The following NTM variants were observed in gnomAD, a reference collection of about 807,000 sequenced individuals.
NTM encodes IgLON family member 2.
Under a neutral mutation model 42.1 loss-of-function variants are expected in NTM, and 13 were observed. That is an observed-to-expected ratio of 0.31 (90% CI 0.20 to 0.49). The LOEUF (loss-of-function observed/expected upper bound fraction) is 0.49, where lower values mean the gene tolerates loss of function less well. Ranked by LOEUF, NTM falls within the 20% of genes least tolerant of loss-of-function variation. The pLI is 0.99. For synonymous variants in NTM, 187 were observed against 179.2 expected, an observed-to-expected ratio of 1.04 and a Z score of -0.35; for missense variants, 373 against 452.8, an observed-to-expected ratio of 0.82 and a Z score of 1.60.
chr11:132,243,676 C>G (rs2090591170), intron 4 of NTM, among the ~76,000 whole-genome samples: 1 of 152,150 alleles, frequency 6.6e-6, no homozygotes. Flanking sequence ...TCCGATGTAC[C>G]CAAGCACCTT....
chr11:131,898,120 TA>T (rs1439560396), intron 1 of NTM, among the ~76,000 whole-genome samples: 1 of 152,232 alleles, frequency 6.6e-6, no homozygotes, highest in Non-Finnish European at 1.5e-5. Context: ...AGAGTGTGGT[TA>T]GCTATCTCTC....
rs78427288 is a variant in NTM at position 131,857,163 on chromosome 11, C to A, written c.83-54401C>A. On this transcript the variant is annotated intron_variant, in intron 1 of 8. Coordinates refer to ENST00000683400, the MANE Select transcript of NTM (RefSeq NM_001352005.2). ...GGACACAGGCCTTCCACAGAACAGA[C>A]ACAGGTCAACACTGACCCAGATAGT... 5.6e-3 allele frequency among the ~76,000 whole-genome samples: 853 copies of A among 152,292 alleles called. 7 individuals are homozygous for A. Among genetic ancestry groups the A allele is most frequent in the African/African-American group, 0.019 (780 of 41,552 alleles).
intron 1 of NTM, among the ~76,000 whole-genome samples, chr11:131,817,688 A>G (rs6590602): frequency 0.13 from 19,666 of 152,220 alleles, 1,961 homozygotes; most frequent in African/African-American, 0.28. Flanking sequence ...TTCCATGAGG[A>G]TGGTTCCCTC....
chr11:132,068,288 T>C (rs2056831827), intron 2 of NTM, among the ~76,000 whole-genome samples: 5 of 152,226 alleles, frequency 3.3e-5, no homozygotes, highest in Admixed American at 3.3e-4. Context: ...CACATTTTAC[T>C]ATAAGCAGAA....
chr11:131,530,159 C>G (rs1371009471), intron 1 of NTM, among the ~76,000 whole-genome samples: 1 of 152,168 alleles, frequency 6.6e-6, no homozygotes, highest in Non-Finnish European at 1.5e-5. Context: ...AAGGCAAGGA[C>G]AGTGTCCCCT....
At chr11:131,457,105 G>T (rs1164660765) in intron 1 of NTM, among the ~76,000 whole-genome samples, 1 of 152,192 alleles carries the variant, frequency 6.6e-6, no homozygotes, top group Non-Finnish European at 1.5e-5. Context: ...AGCTGTACTT[G>T]GTGCTAGGGA....
intron 1 of NTM, among the ~76,000 whole-genome samples, chr11:131,875,313 T>G (rs968538281): frequency 1.3e-5 from 2 of 152,240 alleles, no homozygotes; most frequent in African/African-American, 4.8e-5. Flanking sequence ...TCACTGCTTA[T>G]AATATTTGGT....
intron 1 of NTM, among the ~76,000 whole-genome samples, chr11:131,448,490 A>G (rs1950236400): frequency 1.3e-5 from 2 of 152,222 alleles, no homozygotes. Context: ...AGTATTTGCT[A>G]GGATGAGATG....
chr11:132,142,957 G>A (rs542272046), intron 2 of NTM, among the ~76,000 whole-genome samples: 12 of 152,232 alleles, frequency 7.9e-5, no homozygotes, highest in Admixed American at 2.0e-4. Context: ...AGATGCCCTC[G>A]TTGTGGGCAT....
At chr11:131,895,430 A>C (rs1006654511) in intron 1 of NTM, among the ~76,000 whole-genome samples, 1 of 152,134 alleles carries the variant, frequency 6.6e-6, no homozygotes, top group African/African-American at 2.4e-5. Context: ...TACCTTTCTC[A>C]ATCACTGAGA....
chr11:131,872,786 C>T (rs1336520030), intron 1 of NTM, among the ~76,000 whole-genome samples: 2 of 152,036 alleles, frequency 1.3e-5, no homozygotes, highest in Admixed American at 6.6e-5. Context: ...GGTAATTAGA[C>T]CAGATTTATA....
intron 3 of NTM, among the ~76,000 whole-genome samples, chr11:132,174,446 T>C (rs2076513201): frequency 6.6e-6 from 1 of 152,250 alleles, no homozygotes; most frequent in Admixed American, 6.5e-5. Context: ...GAATGTACCT[T>C]GCTACATGCC....
At chr11:131,863,965 G>A (rs2136988926) in intron 1 of NTM, among the ~76,000 whole-genome samples, 1 of 152,282 alleles carries the variant, frequency 6.6e-6, no homozygotes, top group South Asian at 2.1e-4. Flanking sequence ...CCCCAAAAGT[G>A]CACCTGATGA....
At position 132,011,527 on chromosome 11, in the gene NTM, TAAAAG is replaced by T. The variant is rs900687119; in HGVS notation, c.167+99885_167+99889del. On this transcript the variant is annotated intron_variant, in intron 2 of 8. Transcript: ENST00000683400. ...TATGTCTAATGTGTTCTTTTTTTCT[TAAAAG>T]AAAAGGATATTTGCATTTTTGATTT... Among the ~76,000 whole-genome samples the T allele has an allele frequency of 1.8e-4, 27 of 152,340 alleles. No individual in the cohort carries two copies. The South Asian group carries it at 2.5e-3, about 14-fold the overall frequency.
chr11:131,499,198 G>A (rs1272507893), intron 1 of NTM, among the ~76,000 whole-genome samples: 1 of 152,192 alleles, frequency 6.6e-6, no homozygotes, highest in Non-Finnish European at 1.5e-5. Flanking sequence ...TCATTTTGGA[G>A]TGAGTGATGT....
rs1461225696 is a variant in NTM, at chr11:131,401,816, A to ATG, written c.82+30929_82+30930insGT. ...CCACTGGAAATATATATATATATAT[A>ATG]TATATATATATATATATATATATAT... On this transcript the variant is annotated intron_variant, in intron 1 of 8. Transcript: ENST00000683400. Among the ~76,000 whole-genome samples, 6 of 33,262 alleles carry ATG rather than the reference A, an allele frequency of 1.8e-4. 1 individual carries two copies. The highest frequency in any genetic ancestry group is 9.3e-4 in the African/African-American group (6 of 6,422). The allele number at this position is 33,262 out of a possible 152,430, so 21.8% of individuals were successfully genotyped here.
At chr11:131,464,323 C>T (rs1951683998) in intron 1 of NTM, among the ~76,000 whole-genome samples, 1 of 151,820 alleles carries the variant, frequency 6.6e-6, no homozygotes, top group African/African-American at 2.4e-5. Context: ...ACACCTGGCC[C>T]CACCCTCACT....
chr11:131,501,388 G>T (rs1174367042), intron 1 of NTM, among the ~76,000 whole-genome samples: 3 of 152,184 alleles, frequency 2.0e-5, no homozygotes, highest in Non-Finnish European at 4.4e-5. Context: ...TGTGTAAAGA[G>T]CCAGGGGAGA....
intron 2 of NTM, among the ~76,000 whole-genome samples, chr11:132,144,806 A>G (rs2069998710): frequency 6.6e-6 from 1 of 152,204 alleles, no homozygotes; most frequent in African/African-American, 2.4e-5. Flanking sequence ...AGAAAATGCA[A>G]TGAGCTGCAA....
Sources: allele counts gnomAD v4.1 joint callset (sites outside exome capture counted in the v4.1 genomes callset), GRCh38; gene constraint gnomAD v4.1.1; transcripts MANE v1.5; gene names NCBI Gene and HGNC (gene_info 2026-07-23, HGNC 2026-07-21).